WDR5B: variants seen among roughly 807,000 people sequenced by gnomAD.
WDR5B encodes the protein WD repeat-containing protein 5B.
A neutral mutation model predicts 24.0 loss-of-function variants in WDR5B; 17 were observed. The ratio of observed to expected loss-of-function variants is 0.71; its 90% CI spans 0.49 to 1.06. The LOEUF is 1.06. Ranked by LOEUF, WDR5B falls within the 50% of genes least tolerant of loss-of-function variation. The pLI, the probability that WDR5B is intolerant of heterozygous loss-of-function variation, is 0.00. For synonymous variants in WDR5B, 150 were observed against 146.4 expected (o/e 1.02, Z -0.18); for missense variants, 368 against 384.1 (o/e 0.96, Z 0.35).
In WDR5B at chr3:122,415,607, C is replaced by T; in HGVS notation, c.-79G>A. 1 of 1,496,768 alleles carries T rather than the reference C, an allele frequency of 6.7e-7. No individual in the cohort carries two copies. 92.7% of individuals were successfully genotyped at this position (1,496,768 alleles called of 1,614,324 possible). ...CAGTCCAGTACTTTGGCTTTCTGCC[C>T]AGCAAAATGAAGATAAACGCACAGG... On this transcript the variant is annotated 5_prime_UTR_variant, in exon 1 of 1. Transcript: ENST00000330689.
At position 122,414,429 on chromosome 3, in the gene WDR5B, A is replaced by C. The variant is rs2075720993; in HGVS notation, c.*107T>G. ...TAGTGTATGAATCTCAAAATTTAAC[A>C]ATAGACAATTTTTAAAATACCAAAC... On this transcript the variant is annotated 3_prime_UTR_variant, in exon 1 of 1. Transcript: ENST00000330689. 1 of 1,345,684 alleles carries C rather than the reference A, an allele frequency of 7.4e-7. No individual in the cohort carries two copies. The highest frequency in any genetic ancestry group is 1.5e-5 in the South Asian group (1 of 67,128). The allele number at this position is 1,345,684 out of a possible 1,614,324, so 83.4% of individuals were successfully genotyped here.
At position 122,415,514 on chromosome 3, in the gene WDR5B, C is replaced by T. The variant is rs2075730836; in HGVS notation, c.15G>A (p.Glu5=). The part of the protein sequence containing the change: MATK[E]SRDAKAQLAL... The stretch of plus-strand genomic sequence containing the variant: ...CCAACTGTGCTTTGGCGTCTCTTGA[C>T]TCCTTGGTTGCCATGGCTCTGAAGC... The change falls in exon 1 of 1, where the codon GAG becomes GAA. Residue 5 remains glutamate, a synonymous_variant. Coordinates refer to ENST00000330689, the MANE Select transcript of WDR5B (RefSeq NM_019069.4). The T allele has an allele frequency of 6.2e-7, 1 of 1,611,278 alleles. No homozygotes were observed. Among genetic ancestry groups the T allele is most frequent in the Non-Finnish European group, 8.5e-7 (1 of 1,178,342 alleles).
chr3:122,415,108 T>C lies in WDR5B; in HGVS notation c.421A>G (p.Ile141Val), dbSNP rs778788900. 3.7e-6 allele frequency: 6 copies of C among 1,614,196 alleles called. No homozygotes were observed. Among genetic ancestry groups the C allele is most frequent in the Non-Finnish European group, 2.5e-6 (3 of 1,180,032 alleles). The stretch of plus-strand genomic sequence containing the variant: ...ACAGTCTCATCAAAAGATCCCGAGA[T>C]TATAAGGTTGGATGGCGGATTGAAG... ...CNFNPPSNLI[I>V]SGSFDETVKI... Residue 141 changes from isoleucine to valine, a missense_variant, in exon 1 of 1, where the codon ATC becomes GTC. Ile to Val is a conservative substitution (Grantham distance 29). Coordinates refer to ENST00000330689, the MANE Select transcript of WDR5B (RefSeq NM_019069.4).
rs2075724135 is a variant in WDR5B, at chr3:122,414,814, A to C, written c.715T>G (p.Tyr239Asp). Residue 239 changes from tyrosine (Y) to aspartate (D), a missense_variant, in exon 1 of 1, where the codon TAT (tyrosine) becomes GAT (aspartate). Tyr to Asp is a radical substitution (Grantham distance 160). Coordinates refer to ENST00000330689, the MANE Select transcript of WDR5B (RefSeq NM_019069.4). ...TLDNTLKLWD[Y>D]SRGRCLKTYT... is the part of the protein sequence containing the mutation. ...GTTTTCAGGCACCTGCCTCTGCTAT[A>C]ATCCCATAGTTTAAGAGTGTTGTCC... The C allele has an allele frequency of 5.0e-6, 8 of 1,614,070 alleles. No individual in the cohort carries two copies. Among genetic ancestry groups the C allele is most frequent in the Non-Finnish European group, 6.8e-6 (8 of 1,180,058 alleles).
rs2075720163 is a variant in WDR5B at position 122,414,248 on chromosome 3, G to A, written c.*288C>T. On this transcript the variant is annotated 3_prime_UTR_variant, in exon 1 of 1. Transcript: ENST00000330689. The stretch of plus-strand genomic sequence containing the variant: ...TAGGTACAATGTATACTATTTGGGT[G>A]AGGGTATACTAAGCCCAGATTTCAC... The A allele has an allele frequency of 4.5e-6, 2 of 442,066 alleles. No individual in the cohort carries two copies. The highest frequency in any genetic ancestry group is 8.1e-6 in the Non-Finnish European group (2 of 248,154). The allele number at this position is 442,066 out of a possible 1,614,324, so 27.4% of individuals were successfully genotyped here. A position where few individuals can be genotyped will look rare whatever the true frequency, so the allele number is the denominator to read the frequency against.
chr3:122,414,868 T>G lies in WDR5B; in HGVS notation c.661A>C (p.Asn221His), dbSNP rs149616840. The change falls in exon 1 of 1, where the codon AAT (asparagine) becomes CAT (histidine). Residue 221 changes from asparagine (N) to histidine (H), a missense_variant. By Grantham distance (68) the Asn-to-His change is moderately conservative. Coordinates refer to ENST00000330689, the MANE Select transcript of WDR5B (RefSeq NM_019069.4). Reference protein sequence around the residue: ...PPVSFVKFSPNGKYILTATLD... With the variant: ...PPVSFVKFSPHGKYILTATLD... The stretch of plus-strand genomic sequence containing the variant: ...GTTGCAGTGAGAATGTATTTACCAT[T>G]TGGAGAAAATTTTACAAAAGAGACA... 32 of 1,614,074 alleles carry G rather than the reference T, an allele frequency of 2.0e-5. No individual in the cohort carries two copies. Among genetic ancestry groups the G allele is most frequent in the Non-Finnish European group, 2.4e-5 (28 of 1,180,044 alleles).
Position 122,415,383 on chromosome 3 carries a change from A to G in WDR5B, c.146T>C (p.Phe49Ser). 2 of 1,614,220 alleles carry G rather than the reference A, an allele frequency of 1.2e-6. No homozygotes were observed. The highest frequency in any genetic ancestry group is 1.7e-6 in the Non-Finnish European group (2 of 1,180,020). Reference protein sequence around the residue: ...GHTEAVSSVKFSPNGEWLASS... With the variant: ...GHTEAVSSVKSSPNGEWLASS... Reference sequence around the variant, plus strand: ...TGCTAGCCATTCTCCATTAGGACTAAACTTAACTGATGACACTGCTTCCGT... The same window carrying G: ...TGCTAGCCATTCTCCATTAGGACTAGACTTAACTGATGACACTGCTTCCGT... Residue 49 changes from phenylalanine to serine, a missense_variant, in exon 1 of 1, where the codon TTT becomes TCT. By Grantham distance (155) the Phe-to-Ser change is radical. Coordinates refer to ENST00000330689, the MANE Select transcript of WDR5B (RefSeq NM_019069.4).
rs1419868806 is a variant in WDR5B at position 122,415,824 on chromosome 3, C to A, written c.-296G>T. 3 of 327,996 alleles carry A rather than the reference C, an allele frequency of 9.1e-6. No individual in the cohort carries two copies. The highest frequency in any genetic ancestry group is 2.2e-5 in the African/African-American group (1 of 46,384). 20.3% of individuals were successfully genotyped at this position (327,996 alleles called of 1,614,324 possible). A position where few individuals can be genotyped will look rare whatever the true frequency, so the allele number is the denominator to read the frequency against. Reference sequence around the variant, plus strand: ...TTCGGCATTCCGTTAATACATAAAGCCTTCAAAGCAGGGGCGACGCGAGGG... The same window carrying A: ...TTCGGCATTCCGTTAATACATAAAGACTTCAAAGCAGGGGCGACGCGAGGG... On this transcript the variant is annotated 5_prime_UTR_variant, in exon 1 of 1. Transcript: ENST00000330689.
rs2075731488 is a variant in WDR5B, at chr3:122,415,608, A to G, written c.-80T>C. ...AGTCCAGTACTTTGGCTTTCTGCCC[A>G]GCAAAATGAAGATAAACGCACAGGA... On this transcript the variant is annotated 5_prime_UTR_variant, in exon 1 of 1. Coordinates refer to ENST00000330689, the MANE Select transcript of WDR5B (RefSeq NM_019069.4). The G allele has an allele frequency of 2.0e-6, 3 of 1,490,056 alleles. No homozygotes were observed. In the African/African-American group the frequency reaches 4.2e-5, roughly 21 times the overall value. The allele number at this position is 1,490,056 out of a possible 1,614,324, so 92.3% of individuals were successfully genotyped here.
In WDR5B at chr3:122,413,930, GATA is replaced by G. The variant is rs749831271; in HGVS notation, c.*603_*605del. On this transcript the variant is annotated 3_prime_UTR_variant, in exon 1 of 1. Transcript: ENST00000330689. ...ACTTATATACATATCCAGATGACTG[GATA>G]ATGTGGTGTATATACTTATATACAT... The G allele has an allele frequency of 5.9e-5, 9 of 152,360 alleles. No homozygotes were observed. Among genetic ancestry groups the G allele is most frequent in the Admixed American group, 1.3e-4 (2 of 15,300 alleles). 9.4% of individuals were successfully genotyped at this position (152,360 alleles called of 1,614,324 possible).
chr3:122,414,258 TA>T lies in WDR5B; in HGVS notation c.*277del, dbSNP rs954839239. The T allele has an allele frequency of 8.4e-6, 4 of 473,380 alleles. No homozygotes were observed. The highest frequency in any genetic ancestry group is 1.5e-5 in the Non-Finnish European group (4 of 267,620). 29.3% of individuals were successfully genotyped at this position (473,380 alleles called of 1,614,324 possible). ...GTATACTATTTGGGTGAGGGTATAC[TA>T]AGCCCAGATTTCACCACTATGCAAT... On this transcript the variant is annotated 3_prime_UTR_variant, in exon 1 of 1. Transcript: ENST00000330689.
Position 122,415,604 on chromosome 3 carries a change from G to T in WDR5B, c.-76C>A. On this transcript the variant is annotated 5_prime_UTR_variant, in exon 1 of 1. Transcript: ENST00000330689. ...AGGCAGTCCAGTACTTTGGCTTTCT[G>T]CCCAGCAAAATGAAGATAAACGCAC... The T allele has an allele frequency of 6.7e-7, 1 of 1,503,092 alleles. No individual in the cohort carries two copies. Among genetic ancestry groups the T allele is most frequent in the Non-Finnish European group, 8.9e-7 (1 of 1,123,444 alleles). 93.1% of individuals were successfully genotyped at this position (1,503,092 alleles called of 1,614,324 possible).
At position 122,414,156 on chromosome 3, in the gene WDR5B, A is replaced by AAAAACCACATGTTCTCGTAAGTGG; in HGVS notation, c.*379_*380insCCACTTACGAGAACATGTGGTTTT. Reference sequence around the variant, plus strand: ...AAACAATGTGTACACCTGGACGTGGAGAGCAGAATCATAGACACTAGAGCC... The same window carrying AAAAACCACATGTTCTCGTAAGTGG: ...AAACAATGTGTACACCTGGACGTGGAAAAACCACATGTTCTCGTAAGTGGGAGCAGAATCATAGACACTAGAGCC... On this transcript the variant is annotated 3_prime_UTR_variant, in exon 1 of 1. Transcript: ENST00000330689. The AAAAACCACATGTTCTCGTAAGTGG allele has an allele frequency of 5.2e-6, 1 of 192,676 alleles. No homozygotes were observed. Among genetic ancestry groups the AAAAACCACATGTTCTCGTAAGTGG allele is most frequent in the Non-Finnish European group, 1.1e-5 (1 of 94,356 alleles). 11.9% of individuals were successfully genotyped at this position (192,676 alleles called of 1,614,324 possible). A position where few individuals can be genotyped will look rare whatever the true frequency, so the allele number is the denominator to read the frequency against.
rs777484469 is a variant in WDR5B at position 122,415,344 on chromosome 3, TCAG to T, written c.182_184del (p.Ala61del). The T allele has an allele frequency of 6.2e-7, 1 of 1,614,254 alleles. No individual in the cohort carries two copies. The highest frequency in any genetic ancestry group is 2.2e-5 in the East Asian group (1 of 44,896). On this transcript the variant is annotated inframe_deletion, in exon 1 of 1. Transcript: ENST00000330689. ...TGCTCCCCAAATTATGATTAGCCTA[TCAG>T]CAGAAGAACTTGCTAGCCATTCTCC...
rs2075711140 is a variant in WDR5B, at chr3:122,412,656, G to C, written c.*1880C>G. On this transcript the variant is annotated 3_prime_UTR_variant, in exon 1 of 1. Transcript: ENST00000330689. ...TGGTTCCTTCAGTGATTTCTGAACT[G>C]AGTTTGAAGCATGGGCAGGAATTAG... The C allele has an allele frequency of 6.6e-6, 1 of 152,244 alleles. No homozygotes were observed. Among genetic ancestry groups the C allele is most frequent in the South Asian group, 2.1e-4 (1 of 4,832 alleles). 9.4% of individuals were successfully genotyped at this position (152,244 alleles called of 1,614,324 possible). A position where few individuals can be genotyped will look rare whatever the true frequency, so the allele number is the denominator to read the frequency against.
chr3:122,415,123 G>A lies in WDR5B; in HGVS notation c.406C>T (p.Pro136Ser). The change falls in exon 1 of 1, where the codon CCA (proline) becomes TCA (serine). Residue 136 changes from proline (P) to serine (S), a missense_variant. Physicochemically the swap from Pro to Ser is moderately conservative, Grantham distance 74 (BLOSUM62 -1). Coordinates refer to ENST00000330689, the MANE Select transcript of WDR5B (RefSeq NM_019069.4). ...GATCCCGAGATTATAAGGTTGGATG[G>A]CGGATTGAAGTTACAACAAAAGACA... ...NYVFCCNFNPPSNLIISGSFD... is the reference protein window; with the variant it reads ...NYVFCCNFNPSSNLIISGSFD... 1 of 1,614,160 alleles carries A rather than the reference G, an allele frequency of 6.2e-7. No individual in the cohort carries two copies. Among genetic ancestry groups the A allele is most frequent in the Non-Finnish European group, 8.5e-7 (1 of 1,180,016 alleles).
rs746305425 is a variant in WDR5B at position 122,414,608 on chromosome 3, A to G, written c.921T>C (p.Pro307=). 5.0e-6 allele frequency: 8 copies of G among 1,614,234 alleles called. No homozygotes were observed. Among genetic ancestry groups the G allele is most frequent in the Non-Finnish European group, 6.8e-6 (8 of 1,180,044 alleles). Residue 307 remains proline (P), a synonymous_variant, in exon 1 of 1, where the codon CCT becomes CCC. Transcript: ENST00000330689. ...TDVVISAACH[P]TENLIASAAL... is the part of the protein sequence containing the mutation. ...CTGCTGATGCGATGAGGTTTTCTGT[A>G]GGATGACAAGCTGCTGAGATCACAA...
At position 122,413,041 on chromosome 3, in the gene WDR5B, T is replaced by C. The variant is rs536257938; in HGVS notation, c.*1495A>G. ...AAATTCCCTTGCTCCCCTCTTTTAA[T>C]CAATCATCCTGTCCTGTCAACTTTA... On this transcript the variant is annotated 3_prime_UTR_variant, in exon 1 of 1. Coordinates refer to ENST00000330689, the MANE Select transcript of WDR5B (RefSeq NM_019069.4). The C allele has an allele frequency of 2.0e-5, 3 of 152,360 alleles. No individual in the cohort carries two copies. Among genetic ancestry groups the C allele is most frequent in the South Asian group, 2.1e-4 (1 of 4,830 alleles). The allele number at this position is 152,360 out of a possible 1,614,324, so 9.4% of individuals were successfully genotyped here. A position where few individuals can be genotyped will look rare whatever the true frequency, so the allele number is the denominator to read the frequency against.
Position 122,415,456 on chromosome 3 carries a change from C to T in WDR5B, c.73G>A (p.Val25Met), listed in dbSNP as rs1426263683. 6.2e-7 allele frequency: 1 copy of T among 1,614,222 alleles called. No individual in the cohort carries two copies. Among genetic ancestry groups the T allele is most frequent in the African/African-American group, 1.3e-5 (1 of 75,058 alleles). Residue 25 changes from valine (V) to methionine (M), a missense_variant, in exon 1 of 1, where the codon GTG becomes ATG. Physicochemically the swap from Val to Met is conservative, Grantham distance 21. Transcript: ENST00000330689. ...AGAGCATAGTTTGGGTTTTCAGGCA[C>T]TTCCTTGCTCTGATTGGCCGATGAG... ...LSSSANQSKEVPENPNYALKC... is the reference protein window; with the variant it reads ...LSSSANQSKEMPENPNYALKC...
Sources: gnomAD v4.1 joint callset for allele counts on GRCh38, gnomAD v4.1.1 for gene constraint, MANE v1.5 for transcripts, NCBI Gene and HGNC (gene_info 2026-07-23, HGNC 2026-07-21) for gene names.